CENPK: variants seen among roughly 807,000 people sequenced by gnomAD.
CENPK encodes the protein SoxLZ/Sox6-binding protein Solt.
Under a neutral mutation model 40.9 loss-of-function variants are expected in CENPK, and 46 were observed. That is an observed-to-expected ratio of 1.13 (90% CI 0.89 to 1.44). The LOEUF is 1.44. Ranked by LOEUF, CENPK falls within the 40% of genes most tolerant of loss-of-function variation. The pLI is 0.00. For missense variants in CENPK, 288 were observed against 303.5 expected (o/e 0.95, Z 0.38); for synonymous variants, 107 against 104.4 (o/e 1.02, Z -0.15).
At chr5:65,552,783 C>T (rs999332439) in intron 3 of CENPK, among the ~76,000 whole-genome samples, 7 of 147,356 alleles carry the variant, frequency 4.8e-5, no homozygotes, top group Admixed American at 1.3e-4. Flanking sequence ...AAAAAAAAAA[C>T]CCAAAAACTA....
the CENPK span, among the ~76,000 whole-genome samples, chr5:65,499,156 G>A: frequency 6.7e-6 from 1 of 150,360 alleles, no homozygotes; most frequent in South Asian, 2.1e-4. Flanking sequence ...GATTACAGTC[G>A]TGAGCCACTG....
chr5:65,556,921 A>T (rs1214131111), intron 2 of CENPK, among the ~76,000 whole-genome samples: 1 of 152,274 alleles, frequency 6.6e-6, no homozygotes, highest in African/African-American at 2.4e-5. Flanking sequence ...GTAGTAGGTT[A>T]TACCATCTAG....
chr5:65,551,465 A>G lies in CENPK; in HGVS notation c.241+99T>C, dbSNP rs528075897. ...GTATCAATGAAATTTGGGCAATTTC[A>G]AAAAGGCCAAATGGATCTTGTAATT... is the stretch of plus-strand genomic sequence containing the variant. On this transcript the variant is annotated intron_variant, in intron 5 of 10. Transcript: ENST00000396679. 25 of 668,860 alleles carry G rather than the reference A, an allele frequency of 3.7e-5. No homozygotes were observed. In the South Asian group the frequency reaches 4.0e-4, roughly 11 times the overall value. The allele number at this position is 668,860 out of a possible 1,614,324, so 41.4% of individuals were successfully genotyped here.
intron 6 of CENPK, among the ~76,000 whole-genome samples, chr5:65,530,826 C>T (rs1166496406): frequency 3.9e-5 from 6 of 152,142 alleles, no homozygotes; most frequent in Admixed American, 3.9e-4. Flanking sequence ...AGGAGGATCA[C>T]TTGAGGCCAG....
At chr5:65,496,152 G>C in the CENPK span, among the ~76,000 whole-genome samples, 2 of 152,332 alleles carry the variant, frequency 1.3e-5, no homozygotes, top group East Asian at 3.9e-4. Flanking sequence ...CAGCTACTTA[G>C]GAGGTTAAGG....
chr5:65,497,143 G>A, the CENPK span, among the ~76,000 whole-genome samples: 5 of 151,854 alleles, frequency 3.3e-5, no homozygotes, highest in Admixed American at 1.3e-4. Context: ...TGAGGCGGGC[G>A]GACTACCTGA....
At chr5:65,504,044 T>C in the CENPK span, among the ~76,000 whole-genome samples, 8 of 152,066 alleles carry the variant, frequency 5.3e-5, no homozygotes, top group African/African-American at 1.9e-4. Flanking sequence ...CACAACCCTT[T>C]GCTTGCGATC....
At chr5:65,557,022 G>A (rs1751098708) in intron 2 of CENPK, among the ~76,000 whole-genome samples, 1 of 152,208 alleles carries the variant, frequency 6.6e-6, no homozygotes, top group African/African-American at 2.4e-5. Context: ...TTACAGTTGT[G>A]AGGATAGGTG....
chr5:65,508,553 G>A, the CENPK span, among the ~76,000 whole-genome samples: 1 of 152,172 alleles, frequency 6.6e-6, no homozygotes, highest in South Asian at 2.1e-4. Flanking sequence ...GAGAGGCTGA[G>A]GCGGGTGGAT....
the CENPK span, among the ~76,000 whole-genome samples, chr5:65,512,614 T>C: frequency 6.6e-6 from 1 of 152,376 alleles, no homozygotes; most frequent in South Asian, 2.1e-4. Context: ...GAAATAATGC[T>C]ATGTATAGTT....
Position 65,551,579 on chromosome 5 carries a change from T to C in CENPK, c.226A>G (p.Lys76Glu). Residue 76 changes from lysine to glutamate, a missense_variant, in exon 5 of 11, where the codon AAA becomes GAA. By Grantham distance (56) the Lys-to-Glu change is moderately conservative. Coordinates refer to ENST00000396679, the MANE Select transcript of CENPK (RefSeq NM_022145.5). ...CLTAELSQWQ[K>E]KTPETIPLTE... is the part of the protein sequence containing the mutation. Reference sequence around the variant, plus strand: ...AGAATCTTACTTTCAGGTGTTTTTTTCTGCCATTGACTGAGTTCAGCGGTT... The same window carrying C: ...AGAATCTTACTTTCAGGTGTTTTTTCCTGCCATTGACTGAGTTCAGCGGTT... The C allele has an allele frequency of 1.3e-6, 2 of 1,558,984 alleles. No homozygotes were observed. The highest frequency in any genetic ancestry group is 2.4e-5 in the South Asian group (2 of 83,614).
At chr5:65,522,172 A>C (rs1221415834) in intron 9 of CENPK, among the ~76,000 whole-genome samples, 1 of 152,178 alleles carries the variant, frequency 6.6e-6, no homozygotes. Context: ...AAAACTCCCC[A>C]AATGACATTC....
chr5:65,549,073 T>C (rs1287938867), intron 5 of CENPK, among the ~76,000 whole-genome samples: 1 of 152,192 alleles, frequency 6.6e-6, no homozygotes, highest in African/African-American at 2.4e-5. Context: ...AAGACTTCAG[T>C]TGAGGTGGCT....
At chr5:65,514,938 TTTTTG>T (rs1035466293), downstream of CENPK, among the ~76,000 whole-genome samples, 3 of 144,810 alleles carry the variant, frequency 2.1e-5, no homozygotes, top group African/African-American at 7.6e-5. Flanking sequence ...ATTTTAGTAA[TTTTTG>T]TTTTTTCTTT....
downstream of CENPK, among the ~76,000 whole-genome samples, chr5:65,517,071 A>T (rs979860342): frequency 6.6e-6 from 1 of 151,908 alleles, no homozygotes; most frequent in Non-Finnish European, 1.5e-5. Flanking sequence ...GCCTTCAAGT[A>T]GCTGGGATTA....
intron 5 of CENPK, among the ~76,000 whole-genome samples, chr5:65,546,869 C>A (rs1271970554): frequency 6.6e-6 from 1 of 152,116 alleles, no homozygotes; most frequent in East Asian, 1.9e-4. Flanking sequence ...TTGTTTAAGC[C>A]ACCTAGTCCA....
chr5:65,544,401 G>A (rs1289931441), intron 5 of CENPK, among the ~76,000 whole-genome samples: 2 of 152,120 alleles, frequency 1.3e-5, no homozygotes, highest in Non-Finnish European at 2.9e-5. Context: ...TGTTAACAAG[G>A]ATGTTGAGAA....
At chr5:65,553,855 CA>C (rs1438299935) in intron 3 of CENPK, among the ~76,000 whole-genome samples, 1 of 152,160 alleles carries the variant, frequency 6.6e-6, no homozygotes, top group Non-Finnish European at 1.5e-5. Flanking sequence ...TCAAAAACAC[CA>C]GAGTAATTTT....
At chr5:65,541,124 T>C (rs1267133473) in intron 6 of CENPK, among the ~76,000 whole-genome samples, 2 of 152,140 alleles carry the variant, frequency 1.3e-5, no homozygotes, top group African/African-American at 2.4e-5. Flanking sequence ...TGCCCAGCCA[T>C]GTATCCTTTG....
Sources: gnomAD v4.1 joint callset for allele counts (sites outside exome capture counted in the v4.1 genomes callset) on GRCh38, gnomAD v4.1.1 for gene constraint, MANE v1.5 for transcripts, NCBI Gene and HGNC (gene_info 2026-07-23, HGNC 2026-07-21) for gene names.